Variants in AK5 observed in about 807,000 individuals in gnomAD.
The protein encoded by AK5 is adenylate kinase isoenzyme 5.
A neutral mutation model predicts 69.5 loss-of-function variants in AK5; 27 were observed. That is an observed-to-expected ratio of 0.39 (90% CI 0.29 to 0.54). The LOEUF is 0.54. Among genes scored for constraint, AK5 ranks in the 20% least tolerant of loss-of-function variants. The pLI is 0.71. For synonymous variants in AK5, 260 were observed against 244.4 expected (o/e 1.06, Z -0.60); for missense variants, 531 against 700.4 (o/e 0.76, Z 2.73).
chr1:77,475,495 AATATATATTATATATATATGT>A (rs1557620462), intron 8 of AK5, among the ~76,000 whole-genome samples: 2 of 47,084 alleles, frequency 4.2e-5, no homozygotes, highest in African/African-American at 1.3e-4. Flanking sequence ...TATATATACA[AATATATATTATATATATATGT>A]ATATATATTA....
intron 8 of AK5, among the ~76,000 whole-genome samples, chr1:77,464,561 A>C (rs916715823): frequency 1.3e-5 from 2 of 152,170 alleles, no homozygotes; most frequent in Non-Finnish European, 2.9e-5. Flanking sequence ...AGATCATTCT[A>C]GGTGAAGATG....
chr1:77,470,777 T>C (rs986873234), intron 8 of AK5, among the ~76,000 whole-genome samples: 1 of 144,328 alleles, frequency 6.9e-6, no homozygotes, highest in African/African-American at 2.6e-5. Flanking sequence ...CCAGTCCCCA[T>C]AATTTGTCTT....
chr1:77,447,092 G>C (rs1652798752), intron 8 of AK5, among the ~76,000 whole-genome samples: 1 of 152,252 alleles, frequency 6.6e-6, no homozygotes. Context: ...TGTAAGTCCA[G>C]CTTTCCCCAA....
chr1:77,415,696 C>G (rs1173534497), intron 7 of AK5, among the ~76,000 whole-genome samples: 1 of 152,174 alleles, frequency 6.6e-6, no homozygotes, highest in Non-Finnish European at 1.5e-5. Context: ...ATTTTCTCAG[C>G]ACATGGACTT....
At chr1:77,497,721 G>A (rs1656431933) in intron 10 of AK5, among the ~76,000 whole-genome samples, 1 of 152,056 alleles carries the variant, frequency 6.6e-6, no homozygotes, top group Admixed American at 6.6e-5. Flanking sequence ...CGGAGTAGCT[G>A]AGACTACAGG....
At chr1:77,366,742 A>G (rs1230608412) in intron 6 of AK5, among the ~76,000 whole-genome samples, 1 of 152,196 alleles carries the variant, frequency 6.6e-6, no homozygotes, top group Non-Finnish European at 1.5e-5. Flanking sequence ...TGTGATTTTC[A>G]ACTTGTGGAC....
intron 6 of AK5, among the ~76,000 whole-genome samples, chr1:77,379,721 G>C (rs1446918674): frequency 1.3e-5 from 2 of 152,170 alleles, no homozygotes; most frequent in Non-Finnish European, 2.9e-5. Flanking sequence ...TAAAATAAAT[G>C]TAAGGAACAG....
chr1:77,479,101 T>C (rs1235670317), intron 8 of AK5, among the ~76,000 whole-genome samples: 1 of 151,720 alleles, frequency 6.6e-6, no homozygotes, highest in African/African-American at 2.4e-5. Context: ...AAATTTTAAA[T>C]GTGTCCCTTC....
chr1:77,419,288 A>C (rs552561271), intron 8 of AK5, among the ~76,000 whole-genome samples: 71 of 152,318 alleles, frequency 4.7e-4, no homozygotes, highest in African/African-American at 1.7e-3. Context: ...ACTCCAGCAG[A>C]GGCTAATGCA....
intron 12 of AK5, among the ~76,000 whole-genome samples, chr1:77,535,273 G>A (rs1344471472): frequency 5.9e-5 from 9 of 152,196 alleles, no homozygotes. Flanking sequence ...TGTCTCAGTG[G>A]GAGAGTAGCT....
chr1:77,353,337 G>C (rs1229392429), intron 6 of AK5, among the ~76,000 whole-genome samples: 48 of 152,022 alleles, frequency 3.2e-4, no homozygotes. Flanking sequence ...AATTAGGCAG[G>C]CATGGTGTTC....
At chr1:77,451,563 C>T (rs752916431) in intron 8 of AK5, among the ~76,000 whole-genome samples, 1 of 152,138 alleles carries the variant, frequency 6.6e-6, no homozygotes, top group Non-Finnish European at 1.5e-5. Flanking sequence ...TAAATAAGGA[C>T]CAAAGCGTAT....
chr1:77,548,132 G>A (rs1362119246), intron 13 of AK5, among the ~76,000 whole-genome samples: 1 of 152,202 alleles, frequency 6.6e-6, no homozygotes, highest in African/African-American at 2.4e-5. Flanking sequence ...ACGTTTAAGT[G>A]GACAGACTGC....
At chr1:77,462,325 A>ATGGC (rs1653894133) in intron 8 of AK5, among the ~76,000 whole-genome samples, 1 of 152,008 alleles carries the variant, frequency 6.6e-6, no homozygotes, top group Non-Finnish European at 1.5e-5. Flanking sequence ...GGATGGATGG[A>ATGGC]TGGATGGATG....
At chr1:77,304,476 G>T (rs1659524543) in intron 5 of AK5, among the ~76,000 whole-genome samples, 1 of 151,202 alleles carries the variant, frequency 6.6e-6, no homozygotes, top group Non-Finnish European at 1.5e-5. Flanking sequence ...CACAATCTCG[G>T]CTCACCGCAG....
At chr1:77,438,294 C>CAAAAAAAA (rs56019139) in intron 8 of AK5, among the ~76,000 whole-genome samples, 5 of 52,780 alleles carry the variant, frequency 9.5e-5, no homozygotes, top group Non-Finnish European at 1.2e-4. Context: ...ATATTTGGTA[C>CAAAAAAAA]AAAAAAAAAA....
chr1:77,367,080 A>G (rs1646962970), intron 6 of AK5, among the ~76,000 whole-genome samples: 1 of 152,146 alleles, frequency 6.6e-6, no homozygotes, highest in Non-Finnish European at 1.5e-5. Flanking sequence ...GGTGTATTAA[A>G]GGAGGCTCTT....
At chr1:77,376,859 C>G (rs950537272) in intron 6 of AK5, among the ~76,000 whole-genome samples, 3 of 152,086 alleles carry the variant, frequency 2.0e-5, no homozygotes, top group African/African-American at 7.2e-5. Context: ...AAGGTTGAGG[C>G]TGCAGTGAGC....
At chr1:77,313,714 T>C (rs556947810) in intron 5 of AK5, 3 of 461,242 alleles carry the variant, frequency 6.5e-6, no homozygotes, top group Admixed American at 2.4e-5. Context: ...GTTTGTGGGT[T>C]TGCTTTCCGT....
Sources: allele counts gnomAD v4.1 joint callset (sites outside exome capture counted in the v4.1 genomes callset), GRCh38; gene constraint gnomAD v4.1.1; transcripts MANE v1.5; gene names NCBI Gene and HGNC (gene_info 2026-07-23, HGNC 2026-07-21).